The following MTCH2 variants were observed in gnomAD, a reference collection of about 807,000 sequenced individuals.
MTCH2 encodes mitochondrial carrier homolog 2.
A neutral mutation model predicts 50.6 loss-of-function variants in MTCH2; 25 were observed. The observed-to-expected ratio is 0.49, with a 90% CI of 0.36 to 0.69. The LOEUF (loss-of-function observed/expected upper bound fraction) is 0.69, where lower values mean the gene tolerates loss of function less well. Ranked by LOEUF, MTCH2 falls within the 30% of genes least tolerant of loss-of-function variation. The probability of loss-of-function intolerance (pLI) is 0.00; values close to 1 mark genes in which losing one functional copy is unlikely to be tolerated. For synonymous variants in MTCH2, 106 were observed against 132.0 expected, an observed-to-expected ratio of 0.80 and a Z score of 1.35; for missense variants, 273 against 384.4, an observed-to-expected ratio of 0.71 and a Z score of 2.42.
chr11:47,641,325 T>C (rs915064915), intron 1 of MTCH2, among the ~76,000 whole-genome samples: 3 of 152,350 alleles, frequency 2.0e-5, no homozygotes, highest in African/African-American at 4.8e-5. Flanking sequence ...TTATTTGCAA[T>C]AGCCTTTAAC....
the MTCH2 span, among the ~76,000 whole-genome samples, chr11:47,611,420 GA>G: frequency 6.6e-6 from 1 of 152,254 alleles, no homozygotes; most frequent in Non-Finnish European, 1.5e-5. Flanking sequence ...TGGCCAGCCA[GA>G]GTAGGTGCAG....
At chr11:47,639,487 C>G (rs1461884977) in intron 1 of MTCH2, among the ~76,000 whole-genome samples, 2 of 152,244 alleles carry the variant, frequency 1.3e-5, no homozygotes, top group Non-Finnish European at 2.9e-5. Flanking sequence ...AAGGCAAATG[C>G]AGATATAGCT....
chr11:47,609,876 G>A, the MTCH2 span, among the ~76,000 whole-genome samples: 4 of 152,148 alleles, frequency 2.6e-5, no homozygotes, highest in South Asian at 2.1e-4. Flanking sequence ...TAAAGGCGAC[G>A]GGAAAGAAAG....
chr11:47,616,236 CTCT>C (rs761265577), downstream of MTCH2, among the ~76,000 whole-genome samples: 82 of 152,214 alleles, frequency 5.4e-4, no homozygotes, highest in Admixed American at 9.2e-4. Context: ...CCACCCCACA[CTCT>C]TCTTAAGTCA....
At chr11:47,621,798 T>G (rs2097293513) in intron 12 of MTCH2, among the ~76,000 whole-genome samples, 1 of 152,014 alleles carries the variant, frequency 6.6e-6, no homozygotes, top group Non-Finnish European at 1.5e-5. Context: ...ACTCCTGGAC[T>G]CATGTGATCC....
At chr11:47,610,279 A>G in the MTCH2 span, among the ~76,000 whole-genome samples, 1 of 152,238 alleles carries the variant, frequency 6.6e-6, no homozygotes, top group African/African-American at 2.4e-5. Context: ...CAAATGCTTT[A>G]GCCTTTACTA....
chr11:47,632,280 TAAAG>T (rs992217500), intron 5 of MTCH2, among the ~76,000 whole-genome samples: 16 of 152,060 alleles, frequency 1.1e-4, no homozygotes, highest in African/African-American at 3.9e-4. Context: ...AAGGAAGTAA[TAAAG>T]AAAATTAAAT....
intron 5 of MTCH2, among the ~76,000 whole-genome samples, chr11:47,633,526 A>ATTTTT (rs869251946): frequency 4.3e-4 from 15 of 35,072 alleles, no homozygotes; most frequent in African/African-American, 1.2e-3. Flanking sequence ...ATATATATAT[A>ATTTTT]TTTTTTTTTT....
chr11:47,641,894 T>C (rs1487170229), intron 1 of MTCH2, among the ~76,000 whole-genome samples: 2 of 151,544 alleles, frequency 1.3e-5, no homozygotes, highest in Non-Finnish European at 2.9e-5. Context: ...GTAGTAACAG[T>C]AGCATAAAAA....
chr11:47,641,740 G>A (rs2097314364), intron 1 of MTCH2, among the ~76,000 whole-genome samples: 1 of 152,108 alleles, frequency 6.6e-6, no homozygotes, highest in Non-Finnish European at 1.5e-5. Context: ...GATTTTCATT[G>A]TCAGGAGCCA....
rs1013361467 is a variant in MTCH2, at chr11:47,618,701, C to G, written c.*132G>C. ...GAAAAAAGAACAAAAAAGGCAGACA[C>G]CAAACACCTGAATTTTCCCAAGATT... On this transcript the variant is annotated 3_prime_UTR_variant, in exon 13 of 13. Transcript: ENST00000302503. The G allele has an allele frequency of 4.8e-6, 3 of 618,754 alleles. No individual in the cohort carries two copies. The African/African-American group carries it at 1.3e-4, about 26-fold the overall frequency. 38.3% of individuals were successfully genotyped at this position (618,754 alleles called of 1,614,324 possible). A position where few individuals can be genotyped will look rare whatever the true frequency, so the allele number is the denominator to read the frequency against.
chr11:47,612,653 G>A (rs1178664505), downstream of MTCH2, among the ~76,000 whole-genome samples: 1 of 151,796 alleles, frequency 6.6e-6, no homozygotes, highest in Non-Finnish European at 1.5e-5. Flanking sequence ...AGCTTGGGAA[G>A]TGGAGGCTGC....
Position 47,618,542 on chromosome 11 carries a change from G to T in MTCH2, c.*291C>A. On this transcript the variant is annotated 3_prime_UTR_variant, in exon 13 of 13. Coordinates refer to ENST00000302503, the MANE Select transcript of MTCH2 (RefSeq NM_014342.4). ...TTAAATTGAGACTCAAAAATCACATGACAAAGTGCCTGTAGCTTCAGGAAA... is the reference window on the plus strand; with the variant it reads ...TTAAATTGAGACTCAAAAATCACATTACAAAGTGCCTGTAGCTTCAGGAAA... 2 of 339,608 alleles carry T rather than the reference G, an allele frequency of 5.9e-6. No homozygotes were observed. The allele number at this position is 339,608 out of a possible 1,614,324, so 21.0% of individuals were successfully genotyped here.
chr11:47,612,659 G>A (rs1028074819), downstream of MTCH2, among the ~76,000 whole-genome samples: 13 of 151,582 alleles, frequency 8.6e-5, no homozygotes, highest in Non-Finnish European at 1.8e-4. Context: ...GGAAGTGGAG[G>A]CTGCAGTGAG....
the MTCH2 span, among the ~76,000 whole-genome samples, chr11:47,609,065 G>T: frequency 6.9e-6 from 1 of 145,652 alleles, no homozygotes; most frequent in South Asian, 2.2e-4. Flanking sequence ...CGGAAGTTGC[G>T]GTGACCTGAG....
At chr11:47,622,573 CA>C in intron 12 of MTCH2, 127 bp downstream of exon 12, 2 of 692,000 alleles carry the variant, frequency 2.9e-6, no homozygotes, top group Non-Finnish European at 2.4e-6. Context: ...CATTAACTGG[CA>C]GACTAGACTA....
At chr11:47,619,005 AGACGT>A in intron 12 of MTCH2, 86 bp from the exon 13 acceptor site, 1 of 1,171,452 alleles carries the variant, frequency 8.5e-7, no homozygotes, top group South Asian at 1.2e-5. Flanking sequence ...TCCAATTGGG[AGACGT>A]GACTAAATCT....
intron 1 of MTCH2, 97 bp from the exon 2 acceptor site, chr11:47,639,148 T>TACTTGTGTTTAA: frequency 9.5e-7 from 1 of 1,052,586 alleles, no homozygotes; most frequent in Non-Finnish European, 1.4e-6. Context: ...GGGTTATTTT[T>TACTTGTGTTTAA]AAACACAAGT....
the MTCH2 span, among the ~76,000 whole-genome samples, chr11:47,608,262 T>C: frequency 6.6e-6 from 1 of 152,248 alleles, no homozygotes; most frequent in South Asian, 2.1e-4. Context: ...TAGCTTTGAC[T>C]CTGACTATGC....
Sources: allele counts gnomAD v4.1 joint callset (sites outside exome capture counted in the v4.1 genomes callset), GRCh38; gene constraint gnomAD v4.1.1; transcripts MANE v1.5; gene names NCBI Gene and HGNC (gene_info 2026-07-23, HGNC 2026-07-21).